Variants in ZBTB20 observed in about 807,000 individuals in gnomAD.
ZBTB20 encodes zinc finger and BTB domain containing 20, also known as zinc finger and BTB domain-containing protein 20.
In ZBTB20, 9 loss-of-function variants were observed where a neutral mutation model predicts 56.9. The observed-to-expected ratio is 0.16, with a 90% confidence interval of 0.10 to 0.28. The LOEUF (loss-of-function observed/expected upper bound fraction) is 0.28. Ranked by LOEUF, ZBTB20 falls within the 10% of genes least tolerant of loss-of-function variation. The pLI, the probability that ZBTB20 is intolerant of heterozygous loss-of-function variation, is 1.00. For synonymous variants in ZBTB20, 417 were observed against 420.7 expected (o/e 0.99, Z 0.11); for missense variants, 655 against 1,003.0 (o/e 0.65, Z 4.69).
chr3:114,725,231 T>C (rs931435306), intron 5 of ZBTB20, among the ~76,000 whole-genome samples: 9 of 152,248 alleles, frequency 5.9e-5, no homozygotes, highest in Admixed American at 3.3e-4. Flanking sequence ...AGTATATTTA[T>C]GCACACAGAG....
intron 6 of ZBTB20, among the ~76,000 whole-genome samples, chr3:114,531,329 C>T (rs1380273236): frequency 6.6e-6 from 1 of 152,082 alleles, no homozygotes; most frequent in Non-Finnish European, 1.5e-5. Flanking sequence ...CTTTTATAGT[C>T]CATTTGAGAT....
intron 7 of ZBTB20, among the ~76,000 whole-genome samples, chr3:114,404,530 T>C (rs2087121160): frequency 6.6e-6 from 1 of 152,154 alleles, no homozygotes; most frequent in Non-Finnish European, 1.5e-5. Context: ...TAGAAAAGAC[T>C]AAATAAAAGC....
intron 6 of ZBTB20, among the ~76,000 whole-genome samples, chr3:114,629,319 TA>T (rs1403320283): frequency 6.6e-6 from 1 of 152,202 alleles, no homozygotes; most frequent in East Asian, 1.9e-4. Context: ...CAGTTCTCAA[TA>T]AATGATGGCT....
chr3:114,814,775 A>G (rs907679248), intron 4 of ZBTB20, among the ~76,000 whole-genome samples: 7 of 152,210 alleles, frequency 4.6e-5, no homozygotes, highest in Non-Finnish European at 8.8e-5. Flanking sequence ...AACTGATTAT[A>G]TAGTTTGTAC....
chr3:114,686,873 C>G (rs765035201), intron 6 of ZBTB20, among the ~76,000 whole-genome samples: 10 of 152,150 alleles, frequency 6.6e-5, no homozygotes, highest in South Asian at 2.1e-4. Flanking sequence ...ACCTCACCCT[C>G]TTGGATCAGT....
chr3:114,746,445 G>T (rs1382826518), intron 5 of ZBTB20, among the ~76,000 whole-genome samples: 3 of 151,970 alleles, frequency 2.0e-5, no homozygotes, highest in Non-Finnish European at 4.4e-5. Context: ...GAATTTGGCT[G>T]ATTTTTTTCC....
At chr3:115,044,767 A>C (rs577075937) in intron 2 of ZBTB20, among the ~76,000 whole-genome samples, 15 of 152,236 alleles carry the variant, frequency 9.9e-5, no homozygotes, top group Non-Finnish European at 1.3e-4. Context: ...AGCTACTTTC[A>C]ATCTGAACTT....
At chr3:114,799,889 C>T (rs1452732111) in intron 5 of ZBTB20, among the ~76,000 whole-genome samples, 1 of 151,836 alleles carries the variant, frequency 6.6e-6, no homozygotes, top group Non-Finnish European at 1.5e-5. Flanking sequence ...TAGGCAGAGA[C>T]ATATAAGCAA....
chr3:114,934,147 G>C (rs1335942050), intron 3 of ZBTB20, among the ~76,000 whole-genome samples: 12 of 152,096 alleles, frequency 7.9e-5, no homozygotes, highest in Admixed American at 5.9e-4. Flanking sequence ...TCGAGTTATA[G>C]ATCTGTTGAA....
intron 6 of ZBTB20, among the ~76,000 whole-genome samples, chr3:114,614,737 T>TTTTGTTTG (rs141944007): frequency 4.4e-4 from 66 of 150,768 alleles, no homozygotes; most frequent in South Asian, 1.1e-3. Flanking sequence ...TGGCCACTTT[T>TTTTGTTTG]TTTGTTTGTT....
At chr3:114,655,775 TAGTATTTTTACA>T (rs1473756243) in intron 6 of ZBTB20, among the ~76,000 whole-genome samples, 2 of 152,222 alleles carry the variant, frequency 1.3e-5, no homozygotes, top group African/African-American at 2.4e-5. Context: ...CAGTACTTTG[TAGTATTTTTACA>T]TACTTCATAT....
intron 11 of ZBTB20, among the ~76,000 whole-genome samples, chr3:114,344,849 C>G (rs186620018): frequency 6.6e-6 from 1 of 152,172 alleles, no homozygotes; most frequent in Non-Finnish European, 1.5e-5. Flanking sequence ...GCTGAAATAG[C>G]TGAACTTCTC....
chr3:114,577,759 G>C (rs531169858), intron 6 of ZBTB20, among the ~76,000 whole-genome samples: 1 of 152,290 alleles, frequency 6.6e-6, no homozygotes, highest in East Asian at 1.9e-4. Context: ...GGACCTGAGA[G>C]CTGGAAGAAT....
chr3:115,105,719 C>G (rs112822522), intron 1 of ZBTB20, among the ~76,000 whole-genome samples: 2,987 of 152,214 alleles, frequency 0.02, 38 homozygotes, highest in South Asian at 0.032. Flanking sequence ...GTTTAAAGAA[C>G]TAAATAATAA....
At chr3:114,923,610 G>C (rs1286078243) in intron 3 of ZBTB20, among the ~76,000 whole-genome samples, 2 of 152,016 alleles carry the variant, frequency 1.3e-5, no homozygotes, top group Non-Finnish European at 2.9e-5. Flanking sequence ...ATTTAAAAAT[G>C]TAAGATCCAA....
chr3:115,040,004 T>C (rs772362239), intron 2 of ZBTB20, among the ~76,000 whole-genome samples: 13 of 152,120 alleles, frequency 8.5e-5, no homozygotes, highest in Admixed American at 2.0e-4. Context: ...TGTGAGATGA[T>C]AGATATGTTA....
intron 2 of ZBTB20, among the ~76,000 whole-genome samples, chr3:115,038,095 T>G (rs2081001461): frequency 6.6e-6 from 1 of 152,206 alleles, no homozygotes; most frequent in South Asian, 2.1e-4. Context: ...TCACAGGTTT[T>G]TAAAGAAATA....
intron 3 of ZBTB20, among the ~76,000 whole-genome samples, chr3:114,933,000 A>G (rs1280698736): frequency 1.3e-5 from 2 of 152,164 alleles, no homozygotes; most frequent in African/African-American, 4.8e-5. Flanking sequence ...CGCTCAGACT[A>G]GATTAGTGAA....
At position 114,318,658 on chromosome 3, in the gene ZBTB20, G is replaced by A. The variant is rs2078783050; in HGVS notation, c.*20347C>T. The stretch of plus-strand genomic sequence containing the variant: ...AGAAGGCAATGATTTGAGATAGAGA[G>A]GCAGAGCCCGGCTGTGTCATACAAA... On this transcript the variant is annotated 3_prime_UTR_variant, in exon 12 of 12. Coordinates refer to ENST00000675478, the MANE Select transcript of ZBTB20 (RefSeq NM_001348800.3). 1 of 152,176 alleles carries A rather than the reference G, an allele frequency of 6.6e-6. No individual in the cohort carries two copies. 9.4% of individuals were successfully genotyped at this position (152,176 alleles called of 1,614,324 possible). A position where few individuals can be genotyped will look rare whatever the true frequency, so the allele number is the denominator to read the frequency against.
Sources: gnomAD v4.1 joint callset for allele counts (sites outside exome capture counted in the v4.1 genomes callset) on GRCh38, gnomAD v4.1.1 for gene constraint, MANE v1.5 for transcripts, NCBI Gene and HGNC (gene_info 2026-07-23, HGNC 2026-07-21) for gene names.